The following ATL3 variants were observed in gnomAD, a reference collection of about 807,000 sequenced individuals.
ATL3 encodes the protein atlastin-3.
In ATL3, 49 loss-of-function variants were observed where a neutral mutation model predicts 69.5. That is an observed-to-expected ratio of 0.71 (90% CI 0.56 to 0.89). The LOEUF (loss-of-function observed/expected upper bound fraction) is 0.89. Ranked by LOEUF, ATL3 falls within the 40% of genes least tolerant of loss-of-function variation. ATL3 has a pLI of 0.00. For synonymous variants in ATL3, 214 were observed against 224.1 expected (o/e 0.95, Z 0.40); for missense variants, 606 against 645.7 (o/e 0.94, Z 0.67).
chr11:63,629,366 T>A lies in ATL3; in HGVS notation c.1579A>T (p.Arg527Trp). 6.2e-7 allele frequency: 1 copy of A among 1,614,180 alleles called. No individual in the cohort carries two copies. The highest frequency in any genetic ancestry group is 1.7e-5 in the Admixed American group (1 of 60,020). ...GATGGTCTTCCAACAACTGCATCCCTCACAGTGGCCTGAGTGGAATTACCG... is the reference window on the plus strand; with the variant it reads ...GATGGTCTTCCAACAACTGCATCCCACACAGTGGCCTGAGTGGAATTACCG... ...HIGNSTQATVRDAVVGRPSMD... is the reference protein window; with the variant it reads ...HIGNSTQATVWDAVVGRPSMD... The change falls in exon 13 of 13, where the codon AGG (arginine) becomes TGG (tryptophan). Residue 527 changes from arginine (R) to tryptophan (W), a missense_variant. By Grantham distance (101) the Arg-to-Trp change is moderately radical. Transcript: ENST00000398868.
intron 11 of ATL3, chr11:63,632,748 T>C (rs893852055): frequency 3.8e-6 from 4 of 1,065,022 alleles, no homozygotes; most frequent in South Asian, 1.3e-5. Context: ...TTTGACTTGA[T>C]TATTGTCTCC....
At chr11:63,658,382 ATAT>A (rs1940322828) in intron 3 of ATL3, among the ~76,000 whole-genome samples, 1 of 152,250 alleles carries the variant, frequency 6.6e-6, no homozygotes, top group African/African-American at 2.4e-5. Context: ...CAACAGATTA[ATAT>A]TTTTTAACTG....
At position 63,640,594 on chromosome 11, in the gene ATL3, C is replaced by CTTT. The variant is rs1172516886; in HGVS notation, c.850+2760_850+2762dup. ...TATGATAATAATGCTACCATAGTAT[C>CTTT]TTTTTTTTTTTTTTTTTTTTTTTTT... On this transcript the variant is annotated intron_variant, in intron 8 of 12. Transcript: ENST00000398868. Among the ~76,000 whole-genome samples, 17 of 84,332 alleles carry CTTT rather than the reference C, an allele frequency of 2.0e-4. 1 individual carries two copies. Among genetic ancestry groups the CTTT allele is most frequent in the East Asian group, 3.4e-4 (1 of 2,922 alleles). 55.3% of individuals were successfully genotyped at this position (84,332 alleles called of 152,430 possible). A position where few individuals can be genotyped will look rare whatever the true frequency, so the allele number is the denominator to read the frequency against.
intron 8 of ATL3, among the ~76,000 whole-genome samples, chr11:63,642,714 G>A (rs1436592822): frequency 6.6e-6 from 1 of 152,104 alleles, no homozygotes; most frequent in Non-Finnish European, 1.5e-5. Flanking sequence ...GGAATTACTG[G>A]GAGCATAAAT....
chr11:63,671,454 T>A, upstream of ATL3: 1 of 1,484,330 alleles, frequency 6.7e-7, no homozygotes, highest in Non-Finnish European at 8.9e-7. Flanking sequence ...TAGAAAAAAC[T>A]AGCCAGAAGG....
upstream of ATL3, chr11:63,671,749 G>A: frequency 2.5e-6 from 3 of 1,209,778 alleles, no homozygotes; most frequent in Non-Finnish European, 3.2e-6. Flanking sequence ...GCTTGGCGTG[G>A]TTCTCCGACG....
rs1939348961 is a variant in ATL3 at position 63,632,350 on chromosome 11, A to G, written c.1107+676T>C. The G allele has an allele frequency of 5.7e-6, 5 of 873,878 alleles. No homozygotes were observed. In the East Asian group the frequency reaches 1.2e-4, roughly 21 times the overall value. The allele number at this position is 873,878 out of a possible 1,614,324, so 54.1% of individuals were successfully genotyped here. On this transcript the variant is annotated intron_variant, in intron 11 of 12. Coordinates refer to ENST00000398868, the MANE Select transcript of ATL3 (RefSeq NM_015459.5). Reference sequence around the variant, plus strand: ...GTGTTCTGGACCATCAATGGAGCCTACAATTCAAAATTCAGATACTGTCTT... The same window carrying G: ...GTGTTCTGGACCATCAATGGAGCCTGCAATTCAAAATTCAGATACTGTCTT...
chr11:63,635,667 A>G (rs1368322932), intron 9 of ATL3, 77 bp from the exon 10 acceptor site: 1 of 1,151,030 alleles, frequency 8.7e-7, no homozygotes, highest in Non-Finnish European at 1.3e-6. Flanking sequence ...TTAGAAAGTG[A>G]CCATACAACT....
chr11:63,669,457 C>T (rs1940703573), intron 1 of ATL3, among the ~76,000 whole-genome samples: 1 of 151,852 alleles, frequency 6.6e-6, no homozygotes, highest in African/African-American at 2.4e-5. Context: ...ATCGCTTGAA[C>T]CTGGGAGGCG....
intron 8 of ATL3, 102 bp from the exon 9 acceptor site, chr11:63,636,436 G>A: frequency 6.7e-7 from 1 of 1,486,470 alleles, no homozygotes; most frequent in Non-Finnish European, 9.2e-7. Flanking sequence ...TTTTAACATT[G>A]GTTGTTAAAA....
intron 1 of ATL3, among the ~76,000 whole-genome samples, chr11:63,661,170 C>G (rs917205464): frequency 2.7e-5 from 4 of 150,406 alleles, no homozygotes; most frequent in Non-Finnish European, 4.4e-5. Context: ...TGCAGTGAGC[C>G]GTGATCGCGC....
chr11:63,638,087 A>C (rs1424681312), intron 8 of ATL3, among the ~76,000 whole-genome samples: 2 of 152,222 alleles, frequency 1.3e-5, no homozygotes, highest in African/African-American at 2.4e-5. Context: ...ACCTCACACA[A>C]GTAGCAGCAG....
intron 12 of ATL3, among the ~76,000 whole-genome samples, chr11:63,629,774 G>A (rs1164907279): frequency 4.6e-5 from 7 of 152,230 alleles, no homozygotes; most frequent in Middle Eastern, 3.4e-3. Context: ...CTGTAACACC[G>A]GCTGCTTGGG....
chr11:63,659,046 A>G lies in ATL3; in HGVS notation c.253T>C (p.Tyr85His), dbSNP rs914791173. Residue 85 changes from tyrosine to histidine, a missense_variant, in exon 2 of 13, where the codon TAT becomes CAT. By Grantham distance (83) the Tyr-to-His change is moderately conservative. Transcript: ENST00000398868. ...AAATAATTCTATCTTACCTGAGAAT[A>G]TAAGTATCGTAGCATAAAATCCAGA... ...FILDFMLRYLYSQKESGHSNW... is the reference protein window; with the variant it reads ...FILDFMLRYLHSQKESGHSNW... 1.2e-6 allele frequency: 2 copies of G among 1,614,092 alleles called. No homozygotes were observed. Among genetic ancestry groups the G allele is most frequent in the Non-Finnish European group, 1.7e-6 (2 of 1,179,938 alleles).
chr11:63,659,058 G>A lies in ATL3; in HGVS notation c.241C>T (p.Leu81=). 3.7e-6 allele frequency: 6 copies of A among 1,613,860 alleles called. No individual in the cohort carries two copies. Among genetic ancestry groups the A allele is most frequent in the Non-Finnish European group, 5.1e-6 (6 of 1,179,908 alleles). Residue 81 remains leucine (L), a synonymous_variant, in exon 2 of 13, where the codon CTA becomes TTA. Coordinates refer to ENST00000398868, the MANE Select transcript of ATL3 (RefSeq NM_015459.5). ...KGKSFILDFM[L]RYLYSQKESG... ...CTTACCTGAGAATATAAGTATCGTA[G>A]CATAAAATCCAGAATGAAGGACTTG...
chr11:63,639,692 C>T (rs1231324713), intron 8 of ATL3, among the ~76,000 whole-genome samples: 1 of 152,064 alleles, frequency 6.6e-6, no homozygotes, highest in Admixed American at 6.6e-5. Context: ...GAGTTAGAGG[C>T]TACAGTGAGC....
intron 7 of ATL3, among the ~76,000 whole-genome samples, chr11:63,643,832 T>G (rs746208701): frequency 1.4e-5 from 2 of 142,334 alleles, no homozygotes; most frequent in Non-Finnish European, 3.0e-5. Flanking sequence ...CCTGTTTATA[T>G]CTATCCCAAA....
upstream of ATL3, chr11:63,671,588 A>C: frequency 7.0e-7 from 1 of 1,428,832 alleles, no homozygotes; most frequent in Non-Finnish European, 9.2e-7. Context: ...CACGCGGCAG[A>C]ATCCCGCCAC....
chr11:63,656,777 A>G (rs1167639606), intron 3 of ATL3, among the ~76,000 whole-genome samples: 3 of 152,000 alleles, frequency 2.0e-5, no homozygotes, highest in Non-Finnish European at 4.4e-5. Flanking sequence ...CAAAGGGGCA[A>G]CACCTTTGAA....
Sources: gnomAD v4.1 joint callset for allele counts (sites outside exome capture counted in the v4.1 genomes callset) on GRCh38, gnomAD v4.1.1 for gene constraint, MANE v1.5 for transcripts, NCBI Gene and HGNC (gene_info 2026-07-23, HGNC 2026-07-21) for gene names.